HIBADH: variants seen among roughly 807,000 people sequenced by gnomAD.
HIBADH encodes 3-hydroxyisobutyrate dehydrogenase.
Under a neutral mutation model 36.1 loss-of-function variants are expected in HIBADH, and 25 were observed. That is an observed-to-expected ratio of 0.69 (90% CI 0.50 to 0.97). The LOEUF (loss-of-function observed/expected upper bound fraction) is 0.97, where lower values mean the gene tolerates loss of function less well. HIBADH is among the 50% of genes least tolerant of loss of function. The probability of loss-of-function intolerance (pLI) is 0.00; values close to 1 mark genes in which losing one functional copy is unlikely to be tolerated. For missense variants in HIBADH, 421 were observed against 418.0 expected, an observed-to-expected ratio of 1.01 and a Z score of -0.06; for synonymous variants, 160 against 149.5, an observed-to-expected ratio of 1.07 and a Z score of -0.51.
chr7:27,543,085 C>A lies in HIBADH; in HGVS notation c.500G>T (p.Arg167Leu), dbSNP rs768479109. 2.5e-5 allele frequency: 41 copies of A among 1,613,582 alleles called. No individual in the cohort carries two copies. The African/African-American group carries it at 4.8e-4, about 19-fold the overall frequency. Residue 167 changes from arginine to leucine, a missense_variant, in exon 5 of 8, where the codon CGA becomes CTA. Physicochemically the swap from Arg to Leu is moderately radical, Grantham distance 102. Transcript: ENST00000265395. Reference sequence around the variant, plus strand: ...CACCATAAACGTGAGGTTCCCAGATCGTGCAGCTCCTACACCTGAATCATT... The same window carrying A: ...CACCATAAACGTGAGGTTCCCAGATAGTGCAGCTCCTACACCTGAATCATT... ...APVSGGVGAA[R>L]SGNLTFMVGG... is the part of the protein sequence containing the mutation.
At chr7:27,661,440 T>C (rs981386858) in intron 1 of HIBADH, among the ~76,000 whole-genome samples, 30 of 151,876 alleles carry the variant, frequency 2.0e-4, no homozygotes, top group African/African-American at 7.0e-4. Context: ...ATACAAAAAT[T>C]GGACGGGCGT....
At chr7:27,595,079 AAGG>A (rs1365418690) in intron 4 of HIBADH, among the ~76,000 whole-genome samples, 2 of 152,226 alleles carry the variant, frequency 1.3e-5, no homozygotes, top group Non-Finnish European at 2.9e-5. Context: ...AGAAGCCATA[AAGG>A]AGAAGACTGA....
chr7:27,649,779 TC>T, intron 1 of HIBADH, 146 bp from the exon 2 acceptor site: 1 of 624,680 alleles, frequency 1.6e-6, no homozygotes, highest in Non-Finnish European at 2.5e-6. Flanking sequence ...ACACCTATAA[TC>T]CCAGCTACTT....
intron 4 of HIBADH, among the ~76,000 whole-genome samples, chr7:27,622,627 T>C (rs1340885857): frequency 6.6e-6 from 1 of 151,832 alleles, no homozygotes; most frequent in Non-Finnish European, 1.5e-5. Context: ...ATACAAAAGA[T>C]CATCAGAGAC....
intron 4 of HIBADH, among the ~76,000 whole-genome samples, chr7:27,591,871 A>G (rs1218271602): frequency 6.6e-6 from 1 of 152,190 alleles, no homozygotes; most frequent in Non-Finnish European, 1.5e-5. Context: ...CAATCAATGT[A>G]AATGCTTTTC....
At chr7:27,611,226 G>A (rs541306670) in intron 4 of HIBADH, among the ~76,000 whole-genome samples, 7 of 152,248 alleles carry the variant, frequency 4.6e-5, no homozygotes, top group Middle Eastern at 3.4e-3. Context: ...CAGTGCCTGG[G>A]GCTAACTACA....
chr7:27,611,741 A>G (rs757209368), intron 4 of HIBADH, among the ~76,000 whole-genome samples: 1 of 152,228 alleles, frequency 6.6e-6, no homozygotes. Flanking sequence ...AGTCAGGTAC[A>G]GGTTATTCAA....
At chr7:27,640,193 C>G (rs548343422) in intron 2 of HIBADH, among the ~76,000 whole-genome samples, 1 of 152,268 alleles carries the variant, frequency 6.6e-6, no homozygotes, top group South Asian at 2.1e-4. Flanking sequence ...TTAATGTAAA[C>G]TCTTGTTAAA....
At chr7:27,556,246 T>C (rs1009606051) in intron 4 of HIBADH, among the ~76,000 whole-genome samples, 4 of 152,208 alleles carry the variant, frequency 2.6e-5, no homozygotes, top group Non-Finnish European at 4.4e-5. Flanking sequence ...TTTTACATAG[T>C]TCACTGGGTT....
intron 4 of HIBADH, among the ~76,000 whole-genome samples, chr7:27,622,008 A>G (rs901236435): frequency 3.5e-5 from 5 of 144,718 alleles, no homozygotes; most frequent in Admixed American, 6.9e-5. Context: ...GGAGGCCAGC[A>G]CTTTGGGAGG....
intron 4 of HIBADH, among the ~76,000 whole-genome samples, chr7:27,620,297 G>T (rs1785514733): frequency 6.6e-6 from 1 of 152,102 alleles, no homozygotes; most frequent in Non-Finnish European, 1.5e-5. Flanking sequence ...TCCAGCCTGG[G>T]CAACAGACTG....
At chr7:27,603,104 G>C (rs572814434) in intron 4 of HIBADH, among the ~76,000 whole-genome samples, 1 of 151,824 alleles carries the variant, frequency 6.6e-6, no homozygotes, top group Admixed American at 6.6e-5. Flanking sequence ...TAAATTACTC[G>C]TTTTAACTTA....
chr7:27,531,146 C>A, intron 7 of HIBADH, 46 bp downstream of exon 7: 1 of 1,531,384 alleles, frequency 6.5e-7, no homozygotes, highest in Non-Finnish European at 8.8e-7. Flanking sequence ...GTTATTGGAC[C>A]GTGAAACGTT....
chr7:27,527,592 T>C (rs974533168), intron 7 of HIBADH, among the ~76,000 whole-genome samples: 4 of 152,178 alleles, frequency 2.6e-5, no homozygotes, highest in African/African-American at 2.4e-5. Context: ...ATTTTAATAA[T>C]TGAAGGTTTG....
At chr7:27,562,551 G>C (rs1467632954) in intron 4 of HIBADH, among the ~76,000 whole-genome samples, 1 of 152,128 alleles carries the variant, frequency 6.6e-6, no homozygotes, top group Non-Finnish European at 1.5e-5. Flanking sequence ...ATGTGCAGTG[G>C]TGCAATCATG....
intron 4 of HIBADH, among the ~76,000 whole-genome samples, chr7:27,621,618 C>A (rs899912428): frequency 6.6e-6 from 1 of 151,854 alleles, no homozygotes; most frequent in African/African-American, 2.4e-5. Flanking sequence ...ACAGTGAAAC[C>A]CCGTCTTTAC....
intron 4 of HIBADH, among the ~76,000 whole-genome samples, chr7:27,548,448 C>G (rs1419406472): frequency 1.3e-5 from 2 of 151,882 alleles, no homozygotes; most frequent in Non-Finnish European, 2.9e-5. Flanking sequence ...ATACATATAG[C>G]TAATAAAAAA....
At chr7:27,591,147 G>A (rs1010017977) in intron 4 of HIBADH, among the ~76,000 whole-genome samples, 9 of 152,118 alleles carry the variant, frequency 5.9e-5, no homozygotes, top group Non-Finnish European at 1.2e-4. Flanking sequence ...AAATGGGTAC[G>A]ATCAAAACAT....
chr7:27,556,559 ACAAT>A, intron 4 of HIBADH, among the ~76,000 whole-genome samples: 1 of 152,284 alleles, frequency 6.6e-6, no homozygotes, highest in South Asian at 2.1e-4. Flanking sequence ...ATTTTTTAAA[ACAAT>A]CAGTTATTTA....
Sources: gnomAD v4.1 joint callset for allele counts (sites outside exome capture counted in the v4.1 genomes callset) on GRCh38, gnomAD v4.1.1 for gene constraint, MANE v1.5 for transcripts, NCBI Gene and HGNC (gene_info 2026-07-23, HGNC 2026-07-21) for gene names.